Variants in DCC observed in about 807,000 individuals in gnomAD.
The protein encoded by DCC is DCC netrin 1 receptor.
Under a neutral mutation model 172.5 loss-of-function variants are expected in DCC, and 58 were observed. The ratio of observed to expected loss-of-function variants is 0.34; its 90% CI spans 0.27 to 0.42. The LOEUF is 0.42. Among genes scored for constraint, DCC ranks in the 10% least tolerant of loss-of-function variants. The pLI, the probability that DCC is intolerant of heterozygous loss-of-function variation, is 1.00. For missense variants in DCC, 1,740 were observed against 1,791.0 expected, an observed-to-expected ratio of 0.97 and a Z score of 0.51; for synonymous variants, 709 against 644.5, an observed-to-expected ratio of 1.10 and a Z score of -1.52.
At chr18:53,246,617 A>G in intron 12 of DCC, among the ~76,000 whole-genome samples, 1 of 152,114 alleles carries the variant, frequency 6.6e-6, no homozygotes, top group African/African-American at 2.4e-5. Flanking sequence ...GGCATTTATT[A>G]TTAACTCAAA....
At chr18:53,080,907 A>G (rs1451215824) in intron 7 of DCC, among the ~76,000 whole-genome samples, 1 of 152,042 alleles carries the variant, frequency 6.6e-6, no homozygotes, top group Non-Finnish European at 1.5e-5. Context: ...TAAGTGAGTC[A>G]TTCTCCTACT....
At chr18:53,355,297 T>C (rs1424115223) in intron 15 of DCC, among the ~76,000 whole-genome samples, 1 of 6,996 alleles carries the variant, frequency 1.4e-4, no homozygotes, top group Non-Finnish European at 0.011. Context: ...AGTAGGTTTT[T>C]CCAATTCTTG....
chr18:52,834,310 T>C (rs148030302), intron 2 of DCC, among the ~76,000 whole-genome samples: 3 of 152,304 alleles, frequency 2.0e-5, no homozygotes. Flanking sequence ...TTAATAAGGA[T>C]TGTAGTGGTG....
At chr18:53,251,890 C>G (rs1199072320) in intron 12 of DCC, among the ~76,000 whole-genome samples, 6 of 151,868 alleles carry the variant, frequency 4.0e-5, no homozygotes, top group Non-Finnish European at 7.4e-5. Context: ...TGTCCTTACC[C>G]CTGGATATCA....
At chr18:52,394,446 T>G (rs1272652655) in intron 1 of DCC, among the ~76,000 whole-genome samples, 1 of 132,614 alleles carries the variant, frequency 7.5e-6, no homozygotes, top group Non-Finnish European at 1.7e-5. Flanking sequence ...TTTAAAGTGG[T>G]TTTTTTTTTT....
intron 1 of DCC, among the ~76,000 whole-genome samples, chr18:52,362,573 GT>G (rs1218134221): frequency 6.6e-6 from 1 of 152,072 alleles, no homozygotes. Flanking sequence ...GTAGCCTATA[GT>G]TTTTATTTTT....
intron 1 of DCC, among the ~76,000 whole-genome samples, chr18:52,399,352 C>T (rs78531600): frequency 6.6e-6 from 1 of 152,020 alleles, no homozygotes; most frequent in African/African-American, 2.4e-5. Flanking sequence ...GTTTAATTTT[C>T]ATCTTCGTTC....
intron 1 of DCC, among the ~76,000 whole-genome samples, chr18:52,751,641 G>T (rs2036995757): frequency 6.6e-6 from 1 of 152,116 alleles, no homozygotes; most frequent in Non-Finnish European, 1.5e-5. Context: ...TTCAATGGAT[G>T]CCATAATCAG....
At chr18:52,662,674 G>A (rs1394110568) in intron 1 of DCC, among the ~76,000 whole-genome samples, 2 of 149,936 alleles carry the variant, frequency 1.3e-5, no homozygotes, top group East Asian at 2.0e-4. Context: ...AGGAGGGAGG[G>A]AGGGAAGTAA....
chr18:52,779,400 C>T (rs2037491767), intron 2 of DCC, among the ~76,000 whole-genome samples: 2 of 152,106 alleles, frequency 1.3e-5, no homozygotes, highest in South Asian at 4.1e-4. Context: ...TGAGAACATG[C>T]AGTGTTTGAT....
intron 5 of DCC, among the ~76,000 whole-genome samples, chr18:53,052,177 GAT>G (rs1441250274): frequency 2.0e-5 from 3 of 151,886 alleles, no homozygotes; most frequent in Non-Finnish European, 2.9e-5. Flanking sequence ...TTTGGTCCTT[GAT>G]TCATTTCCTT....
intron 1 of DCC, among the ~76,000 whole-genome samples, chr18:52,460,270 C>G (rs1988591157): frequency 1.3e-5 from 2 of 152,022 alleles, no homozygotes; most frequent in South Asian, 4.1e-4. Context: ...TTCTCTGCAC[C>G]AAAACTATTC....
intron 9 of DCC, among the ~76,000 whole-genome samples, chr18:53,200,069 A>G (rs951731183): frequency 3.7e-4 from 57 of 152,166 alleles, no homozygotes; most frequent in Non-Finnish European, 1.6e-4. Context: ...TGTTGTTGTG[A>G]ATACTTAAAG....
intron 1 of DCC, among the ~76,000 whole-genome samples, chr18:52,358,247 A>C (rs1384598785): frequency 1.3e-5 from 2 of 152,180 alleles, no homozygotes; most frequent in Non-Finnish European, 2.9e-5. Context: ...TCTTATACAC[A>C]CTTCACTTGA....
chr18:53,308,411 TATG>T (rs1310602692), intron 13 of DCC, among the ~76,000 whole-genome samples: 2 of 152,038 alleles, frequency 1.3e-5, no homozygotes, highest in East Asian at 1.9e-4. Context: ...GTAACAACAG[TATG>T]ATATGTATTT....
chr18:53,398,044 C>T (rs375614763), intron 18 of DCC, among the ~76,000 whole-genome samples: 6 of 152,008 alleles, frequency 3.9e-5, no homozygotes, highest in South Asian at 2.1e-4. Flanking sequence ...TACTATGGAT[C>T]GTAAATGTAG....
intron 9 of DCC, among the ~76,000 whole-genome samples, chr18:53,193,246 C>T (rs1202313639): frequency 6.6e-6 from 1 of 152,018 alleles, no homozygotes; most frequent in Non-Finnish European, 1.5e-5. Context: ...CTGGCATGGA[C>T]CTGCCCCCGA....
At chr18:52,481,170 T>C (rs140099676) in intron 1 of DCC, among the ~76,000 whole-genome samples, 30 of 152,330 alleles carry the variant, frequency 2.0e-4, no homozygotes, top group African/African-American at 7.0e-4. Flanking sequence ...AATTAATTTC[T>C]TCAAATTCTT....
chr18:52,401,139 CA>C (rs763252202), intron 1 of DCC, among the ~76,000 whole-genome samples: 1 of 151,804 alleles, frequency 6.6e-6, no homozygotes, highest in Non-Finnish European at 1.5e-5. Context: ...GCATGTAACT[CA>C]ATAGTGGATA....
Sources: gnomAD v4.1 joint callset for allele counts (sites outside exome capture counted in the v4.1 genomes callset) on GRCh38, gnomAD v4.1.1 for gene constraint, MANE v1.5 for transcripts, NCBI Gene and HGNC (gene_info 2026-07-23, HGNC 2026-07-21) for gene names.